The following ZSWIM3 variants were observed in gnomAD, a reference collection of about 807,000 sequenced individuals.
The protein encoded by ZSWIM3 is zinc finger SWIM domain-containing protein 3.
A neutral mutation model predicts 47.5 loss-of-function variants in ZSWIM3; 27 were observed. That is an observed-to-expected ratio of 0.57 (90% confidence interval 0.42 to 0.78). The LOEUF (loss-of-function observed/expected upper bound fraction) is 0.78, where lower values mean the gene tolerates loss of function less well. Ranked by LOEUF, ZSWIM3 falls within the 30% of genes least tolerant of loss-of-function variation. The pLI is 0.00. For synonymous variants in ZSWIM3, 333 were observed against 333.9 expected (o/e 1.00, Z 0.03); for missense variants, 689 against 861.3 (o/e 0.80, Z 2.50).
At chr20:45,862,008 G>A (rs1262533755) in intron 1 of ZSWIM3, among the ~76,000 whole-genome samples, 4 of 151,938 alleles carry the variant, frequency 2.6e-5, no homozygotes, top group African/African-American at 9.7e-5. Context: ...CAGCCTGGGC[G>A]ACACAGCGAG....
At chr20:45,870,611 ATG>A (rs1985952236) in intron 1 of ZSWIM3, among the ~76,000 whole-genome samples, 2 of 152,102 alleles carry the variant, frequency 1.3e-5, no homozygotes, top group Non-Finnish European at 2.9e-5. Context: ...TGTTATTTCC[ATG>A]TATAGAGAGA....
rs558990835 is a variant in ZSWIM3 at position 45,877,635 on chromosome 20, T to A, written c.1077T>A (p.Asp359Glu). The A allele has an allele frequency of 6.2e-7, 1 of 1,614,212 alleles. No individual in the cohort carries two copies. Among genetic ancestry groups the A allele is most frequent in the South Asian group, 1.1e-5 (1 of 91,088 alleles). The part of the protein sequence containing the change: ...NLCQMSQAVL[D>E]EDLFNFLQAH... The stretch of plus-strand genomic sequence containing the variant: ...GCCAGATGTCCCAGGCCGTACTGGA[T>A]GAGGATCTCTTCAACTTCCTGCAGG... Residue 359 changes from aspartate to glutamate, a missense_variant, in exon 2 of 2, where the codon GAT becomes GAA. Asp to Glu is a conservative substitution (Grantham distance 45). Transcript: ENST00000255152.
Position 45,878,469 on chromosome 20 carries a change from G to A in ZSWIM3, c.1911G>A (p.Glu637=), listed in dbSNP as rs368149535. The change falls in exon 2 of 2, where the codon GAG becomes GAA. Residue 637 remains glutamate (E), a synonymous_variant. Coordinates refer to ENST00000255152, the MANE Select transcript of ZSWIM3 (RefSeq NM_080752.4). ...ANLLMQTEGP[E]LEERYSTLRK... ...TGCTCATGCAGACCGAGGGGCCAGA[G>A]CTGGAGGAACGCTACTCCACCCTGC... is the stretch of plus-strand genomic sequence containing the variant. The A allele has an allele frequency of 5.3e-4, 851 of 1,614,244 alleles. 9 individuals are homozygous for A. In the South Asian group the frequency reaches 8.5e-3, roughly 16 times the overall value.
chr20:45,866,481 C>A (rs964673788), intron 1 of ZSWIM3, among the ~76,000 whole-genome samples: 4 of 151,974 alleles, frequency 2.6e-5, no homozygotes, highest in African/African-American at 9.7e-5. Flanking sequence ...ACAGTTTCAT[C>A]CTTTACAAAA....
At chr20:45,870,401 T>A (rs1332722784) in intron 1 of ZSWIM3, among the ~76,000 whole-genome samples, 1 of 152,084 alleles carries the variant, frequency 6.6e-6, no homozygotes, top group East Asian at 1.9e-4. Flanking sequence ...TTGTCCCGAA[T>A]TGGGCCAATA....
Position 45,857,860 on chromosome 20 carries a change from ACTT to A in ZSWIM3, c.37_39del (p.Phe13del), listed in dbSNP as rs1985571894. On this transcript the variant is annotated inframe_deletion, in exon 1 of 2. Coordinates refer to ENST00000255152, the MANE Select transcript of ZSWIM3 (RefSeq NM_080752.4). ...GGCAGCTGCTTCAAGACCTATGAGGACTTCAAGGAGTGCTTCAGCGCCTACAAA... is the reference window on the plus strand; with the variant it reads ...GGCAGCTGCTTCAAGACCTATGAGGACAAGGAGTGCTTCAGCGCCTACAAA... 6.2e-7 allele frequency: 1 copy of A among 1,613,976 alleles called. No individual in the cohort carries two copies. Among genetic ancestry groups the A allele is most frequent in the Admixed American group, 1.7e-5 (1 of 59,988 alleles).
At chr20:45,863,154 T>C (rs1230733417) in intron 1 of ZSWIM3, among the ~76,000 whole-genome samples, 1 of 143,560 alleles carries the variant, frequency 7.0e-6, no homozygotes, top group African/African-American at 2.5e-5. Flanking sequence ...TGATTTGACT[T>C]TCATTGATTT....
At chr20:45,860,428 T>C (rs1289664381) in intron 1 of ZSWIM3, among the ~76,000 whole-genome samples, 1 of 15,112 alleles carries the variant, frequency 6.6e-5, no homozygotes, top group African/African-American at 2.4e-4. Flanking sequence ...GGCAGCAGAA[T>C]TGCAGCCGGG....
intron 1 of ZSWIM3, among the ~76,000 whole-genome samples, chr20:45,875,017 G>T (rs890662498): frequency 1.3e-5 from 2 of 150,982 alleles, no homozygotes; most frequent in Admixed American, 6.7e-5. Flanking sequence ...CCTGATTTGG[G>T]GGGGGTTTTA....
chr20:45,865,941 C>A (rs946237510), intron 1 of ZSWIM3, among the ~76,000 whole-genome samples: 23 of 141,770 alleles, frequency 1.6e-4, no homozygotes, highest in Non-Finnish European at 2.9e-4. Context: ...TGCAGTGAGC[C>A]GAGATCACGC....
At chr20:45,875,128 C>T (rs1483194386) in intron 1 of ZSWIM3, among the ~76,000 whole-genome samples, 6 of 149,360 alleles carry the variant, frequency 4.0e-5, no homozygotes, top group African/African-American at 9.9e-5. Flanking sequence ...AAGCAAGCTC[C>T]GCCTCCCGGG....
intron 1 of ZSWIM3, among the ~76,000 whole-genome samples, chr20:45,862,166 A>G (rs1224576499): frequency 7.8e-5 from 11 of 140,230 alleles, no homozygotes; most frequent in Non-Finnish European, 1.4e-4. Flanking sequence ...TTTTTTTTTG[A>G]GAGATGGAGT....
intron 1 of ZSWIM3, among the ~76,000 whole-genome samples, chr20:45,865,942 G>A (rs1016044575): frequency 6.9e-6 from 1 of 144,150 alleles, no homozygotes; most frequent in African/African-American, 2.6e-5. Context: ...GCAGTGAGCC[G>A]AGATCACGCC....
chr20:45,878,686 T>G lies in ZSWIM3; in HGVS notation c.*37T>G. Reference sequence around the variant, plus strand: ...TGAAGCATTGGACCACAAACACTTCTCCTTGGAAGTGTGAGAGTTTAAAGT... The same window carrying G: ...TGAAGCATTGGACCACAAACACTTCGCCTTGGAAGTGTGAGAGTTTAAAGT... On this transcript the variant is annotated 3_prime_UTR_variant, in exon 2 of 2. Transcript: ENST00000255152. 6.4e-7 allele frequency: 1 copy of G among 1,565,546 alleles called. No individual in the cohort carries two copies. The highest frequency in any genetic ancestry group is 8.7e-7 in the Non-Finnish European group (1 of 1,153,502).
Position 45,876,761 on chromosome 20 carries a change from A to G in ZSWIM3, c.203A>G (p.Lys68Arg), listed in dbSNP as rs765998423. Residue 68 changes from lysine (K) to arginine (R), a missense_variant, in exon 2 of 2, where the codon AAG becomes AGG. Physicochemically the swap from Lys to Arg is conservative, Grantham distance 26 (BLOSUM62 2). Transcript: ENST00000255152. Reference sequence around the variant, plus strand: ...TGCATTCGGACCCAATCAAACAGGAAGAGAACGCGGGAGGCAGACATGTGC... The same window carrying G: ...TGCATTCGGACCCAATCAAACAGGAGGAGAACGCGGGAGGCAGACATGTGC... ...FVCIRTQSNR[K>R]RTREADMCPA... 6 of 1,614,106 alleles carry G rather than the reference A, an allele frequency of 3.7e-6. No homozygotes were observed. The highest frequency in any genetic ancestry group is 4.2e-6 in the Non-Finnish European group (5 of 1,179,984).
At chr20:45,865,634 C>A (rs1276123854) in intron 1 of ZSWIM3, among the ~76,000 whole-genome samples, 3 of 152,076 alleles carry the variant, frequency 2.0e-5, no homozygotes, top group African/African-American at 4.8e-5. Flanking sequence ...TTGCCCTTGA[C>A]CTTGGGTAAA....
Position 45,877,940 on chromosome 20 carries a change from G to A in ZSWIM3, c.1382G>A (p.Gly461Glu), listed in dbSNP as rs138985971. 3.7e-6 allele frequency: 6 copies of A among 1,614,134 alleles called. No individual in the cohort carries two copies. In the East Asian group the frequency reaches 1.1e-4, roughly 30 times the overall value. ...LKSKKAFGICGESLTSLPAEE... is the reference protein window; with the variant it reads ...LKSKKAFGICEESLTSLPAEE... ...TCCAAGAAGGCTTTTGGAATCTGTGGAGAGAGCCTTACCAGCCTCCCTGCA... is the reference window on the plus strand; with the variant it reads ...TCCAAGAAGGCTTTTGGAATCTGTGAAGAGAGCCTTACCAGCCTCCCTGCA... The change falls in exon 2 of 2, where the codon GGA (glycine) becomes GAA (glutamate). Residue 461 changes from glycine to glutamate, a missense_variant. Physicochemically the swap from Gly to Glu is moderately conservative, Grantham distance 98. Transcript: ENST00000255152.
chr20:45,858,081 T>C lies in ZSWIM3; in HGVS notation c.155+101T>C, dbSNP rs1985588922. The C allele has an allele frequency of 2.3e-6, 3 of 1,294,126 alleles. No individual in the cohort carries two copies. In the African/African-American group the frequency reaches 4.4e-5, roughly 19 times the overall value. The allele number at this position is 1,294,126 out of a possible 1,614,324, so 80.2% of individuals were successfully genotyped here. On this transcript the variant is annotated intron_variant, in intron 1 of 1. Coordinates refer to ENST00000255152, the MANE Select transcript of ZSWIM3 (RefSeq NM_080752.4). The stretch of plus-strand genomic sequence containing the variant: ...AGGGGTGCATAGGCACGCATTGGGC[T>C]GCGTGGCCATTCATTCAACAGGCAC...
intron 1 of ZSWIM3, among the ~76,000 whole-genome samples, chr20:45,866,039 G>A (rs1224227332): frequency 6.6e-6 from 1 of 151,572 alleles, no homozygotes; most frequent in Non-Finnish European, 1.5e-5. Context: ...AGGCTAGGGG[G>A]CATGCCTGTT....
Sources: allele counts gnomAD v4.1 joint callset (sites outside exome capture counted in the v4.1 genomes callset), GRCh38; gene constraint gnomAD v4.1.1; transcripts MANE v1.5; gene names NCBI Gene and HGNC (gene_info 2026-07-23, HGNC 2026-07-21).